GIGYF1: variants seen among roughly 807,000 people sequenced by gnomAD.
GIGYF1 encodes the protein GRB10 interacting GYF protein 1.
Under a neutral mutation model 147.1 loss-of-function variants are expected in GIGYF1, and 84 were observed. The observed-to-expected ratio is 0.57, with a 90% CI of 0.48 to 0.68. The LOEUF (loss-of-function observed/expected upper bound fraction) is 0.68, where lower values mean the gene tolerates loss of function less well. Ranked by LOEUF, GIGYF1 falls within the 30% of genes least tolerant of loss-of-function variation. The pLI, the probability that GIGYF1 is intolerant of heterozygous loss-of-function variation, is 0.00. For synonymous variants in GIGYF1, 752 were observed against 589.5 expected, an observed-to-expected ratio of 1.28 and a Z score of -3.99; for missense variants, 1,485 against 1,393.7, an observed-to-expected ratio of 1.07 and a Z score of -1.04.
At position 100,680,639 on chromosome 7, in the gene GIGYF1, CG is replaced by C. The variant is rs1804655039; in HGVS notation, c.*1079del. On this transcript the variant is annotated 3_prime_UTR_variant, in exon 27 of 27. Coordinates refer to ENST00000678049, the MANE Select transcript of GIGYF1 (RefSeq NM_001375765.1). ...ACGAGCTGGCTACAGGTTGGGGCCC[CG>C]GGCGGCAGCCCCTCTACTGCAACCC... is the stretch of plus-strand genomic sequence containing the variant. 6.6e-6 allele frequency: 1 copy of C among 152,542 alleles called. No homozygotes were observed. Among genetic ancestry groups the C allele is most frequent in the Non-Finnish European group, 1.5e-5 (1 of 68,108 alleles). 9.4% of individuals were successfully genotyped at this position (152,542 alleles called of 1,614,324 possible).
intron 16 of GIGYF1, 26 bp from the exon 17 acceptor site, chr7:100,684,363 G>A: frequency 6.3e-7 from 1 of 1,594,798 alleles, no homozygotes; most frequent in Non-Finnish European, 8.5e-7. Context: ...CTCGGCCAGT[G>A]CCCCCAGCAG....
chr7:100,690,001 G>A (rs1007351310), intron 1 of GIGYF1, among the ~76,000 whole-genome samples: 100 of 152,294 alleles, frequency 6.6e-4, no homozygotes, highest in African/African-American at 2.1e-3. Context: ...TTGCTGAAGG[G>A]TCCAGAGCCT....
intron 12 of GIGYF1, 113 bp from the exon 13 acceptor site, chr7:100,685,594 C>A (rs866849613): frequency 1.7e-6 from 2 of 1,194,106 alleles, no homozygotes; most frequent in African/African-American, 1.5e-5. Context: ...TAGGCCGAGT[C>A]CACCACTTCA....
Position 100,688,728 on chromosome 7 carries a change from A to G in GIGYF1, c.-271T>C. On this transcript the variant is annotated 5_prime_UTR_variant, in exon 2 of 27. Transcript: ENST00000678049. Reference sequence around the variant, plus strand: ...ACATCTGGGAAAGACCCTTAAGGAGAGCAGGGGGGAGGAGGGAGGGTTCAG... The same window carrying G: ...ACATCTGGGAAAGACCCTTAAGGAGGGCAGGGGGGAGGAGGGAGGGTTCAG... 3.2e-6 allele frequency: 1 copy of G among 315,568 alleles called. No individual in the cohort carries two copies. The highest frequency in any genetic ancestry group is 8.4e-5 in the East Asian group (1 of 11,922). 19.5% of individuals were successfully genotyped at this position (315,568 alleles called of 1,614,324 possible). A position where few individuals can be genotyped will look rare whatever the true frequency, so the allele number is the denominator to read the frequency against.
In GIGYF1 at chr7:100,683,195, C is replaced by T. The variant is rs967726034; in HGVS notation, c.2229G>A (p.Gln743=). ...RQQELLLKLL[Q]QQQAVPVPPA... is the part of the protein sequence containing the mutation. ...GGGGCACAGGGACCGCCTGCTGCTG[C>T]TGTAGCAACTTCAGCAATAGCTCCT... The change falls in exon 22 of 27, where the codon CAG becomes CAA. Residue 743 remains glutamine, a synonymous_variant. Transcript: ENST00000678049. 5 of 1,608,778 alleles carry T rather than the reference C, an allele frequency of 3.1e-6. No individual in the cohort carries two copies. Among genetic ancestry groups the T allele is most frequent in the South Asian group, 1.1e-5 (1 of 91,074 alleles).
Position 100,686,828 on chromosome 7 carries a change from CG to C in GIGYF1, c.524-10del. 1 of 1,613,256 alleles carries C rather than the reference CG, an allele frequency of 6.2e-7. No individual in the cohort carries two copies. Among genetic ancestry groups the C allele is most frequent in the South Asian group, 1.1e-5 (1 of 91,040 alleles). On this transcript the variant is annotated splice_polypyrimidine_tract_variant and intron_variant, in intron 9 of 26. Coordinates refer to ENST00000678049, the MANE Select transcript of GIGYF1 (RefSeq NM_001375765.1). The stretch of plus-strand genomic sequence containing the variant: ...CTCAAAGCCACATCGTGCTGGGAGA[CG>C]GGAAGACAGGGGCAGTTATTAGAAA...
chr7:100,690,601 G>A (rs1562887529), intron 1 of GIGYF1, among the ~76,000 whole-genome samples: 1 of 152,100 alleles, frequency 6.6e-6, no homozygotes. Flanking sequence ...GGCCAACGTG[G>A]CAAAACCCTG....
Position 100,688,211 on chromosome 7 carries a change from G to A in GIGYF1, c.28C>T (p.Pro10Ser). ...GAGGCACAAGTGACTCACCACTCAG[G>A]CCCAAAGTTGAGTGTCTCTGCTGCC... MAAETLNFG[P>S]EWLRALSGGG... is the part of the protein sequence containing the mutation. Residue 10 changes from proline (P) to serine (S), a missense_variant, in exon 4 of 27, where the codon CCT becomes TCT. Coordinates refer to ENST00000678049, the MANE Select transcript of GIGYF1 (RefSeq NM_001375765.1). 1 of 1,526,340 alleles carries A rather than the reference G, an allele frequency of 6.6e-7. No homozygotes were observed. The highest frequency in any genetic ancestry group is 8.9e-7 in the Non-Finnish European group (1 of 1,128,540). 94.5% of individuals were successfully genotyped at this position (1,526,340 alleles called of 1,614,324 possible). A position where few individuals can be genotyped will look rare whatever the true frequency, so the allele number is the denominator to read the frequency against.
At chr7:100,693,776 G>T (rs1432747514) in intron 1 of GIGYF1, among the ~76,000 whole-genome samples, 3 of 151,784 alleles carry the variant, frequency 2.0e-5, no homozygotes, top group African/African-American at 7.3e-5. Flanking sequence ...CCGGGAGGAC[G>T]GCGTGCCCTT....
chr7:100,686,033 TG>T lies in GIGYF1; in HGVS notation c.994del (p.Gln332LysfsTer13). ...AGGTTCCTCCTCCTCCTCCAACCCT[TG>T]GAAGTCCAGCTCCTGCTCCTCAGGA... ...PIPEEQELDF[Q>X]GLEEEEEPSE... On this transcript the variant is annotated frameshift_variant, in exon 12 of 27. Coordinates refer to ENST00000678049, the MANE Select transcript of GIGYF1 (RefSeq NM_001375765.1). LOFTEE classifies it high-confidence loss of function. 1 of 1,611,136 alleles carries T rather than the reference TG, an allele frequency of 6.2e-7. No homozygotes were observed. The highest frequency in any genetic ancestry group is 8.5e-7 in the Non-Finnish European group (1 of 1,179,370).
At position 100,688,438 on chromosome 7, in the gene GIGYF1, T is replaced by A; in HGVS notation, c.-70+13A>T. On this transcript the variant is annotated intron_variant, in intron 3 of 26. Transcript: ENST00000678049. ...ACTAGCTGGTGGGTCACCTGGGGTC[T>A]AAAAGGACTCACCTGAGCCAGCCAC... The A allele has an allele frequency of 2.9e-6, 2 of 698,906 alleles. No individual in the cohort carries two copies. Among genetic ancestry groups the A allele is most frequent in the Admixed American group, 4.0e-5 (2 of 49,564 alleles). 43.3% of individuals were successfully genotyped at this position (698,906 alleles called of 1,614,324 possible). A position where few individuals can be genotyped will look rare whatever the true frequency, so the allele number is the denominator to read the frequency against.
chr7:100,686,865 T>C (rs1805399929), intron 9 of GIGYF1, 46 bp from the exon 10 acceptor site: 16 of 1,588,570 alleles, frequency 1.0e-5, no homozygotes, highest in African/African-American at 1.5e-5. Context: ...GGCAGCGTGG[T>C]GCCTGGACCC....
chr7:100,683,737 C>A (rs112778871), intron 19 of GIGYF1, 81 bp downstream of exon 19: 1 of 1,543,534 alleles, frequency 6.5e-7, no homozygotes, highest in South Asian at 1.1e-5. Flanking sequence ...CAGCTAGGGG[C>A]GTGTGGGGGT....
At chr7:100,692,615 A>G (rs1805911245) in intron 1 of GIGYF1, among the ~76,000 whole-genome samples, 2 of 152,246 alleles carry the variant, frequency 1.3e-5, no homozygotes, top group Admixed American at 6.5e-5. Context: ...TAGCAGATGT[A>G]AAAGTTAGGG....
chr7:100,683,593 G>A lies in GIGYF1; in HGVS notation c.2009C>T (p.Ser670Leu). 2.5e-6 allele frequency: 4 copies of A among 1,614,202 alleles called. No individual in the cohort carries two copies. Among genetic ancestry groups the A allele is most frequent in the Non-Finnish European group, 3.4e-6 (4 of 1,180,002 alleles). Reference sequence around the variant, plus strand: ...TTGTTCTAGAATTGGACCCTGAGTCGAAGAGTTAATTGGTATGTCCCAAAG... The same window carrying A: ...TTGTTCTAGAATTGGACCCTGAGTCAAAGAGTTAATTGGTATGTCCCAAAG... ...ASLWDIPINS[S>L]TQGPILEQLQ... is the part of the protein sequence containing the mutation. The change falls in exon 20 of 27, where the codon TCG becomes TTG. Residue 670 changes from serine (S) to leucine (L), a missense_variant. By Grantham distance (145) the Ser-to-Leu change is moderately radical. Transcript: ENST00000678049.
chr7:100,686,220 A>G lies in GIGYF1; in HGVS notation c.908T>C (p.Met303Thr). The change falls in exon 11 of 27, where the codon ATG (methionine) becomes ACG (threonine). Residue 303 changes from methionine (M) to threonine (T), a missense_variant. Transcript: ENST00000678049. The part of the protein sequence containing the change: ...EWCLDDEDEE[M>T]GTFDASGAFL... ...GGCCCCAGAGGCATCAAAGGTGCCC[A>G]TTTCTTCATCCTCATCGTCCAGGCA... The G allele has an allele frequency of 6.2e-7, 1 of 1,613,722 alleles. No homozygotes were observed. The highest frequency in any genetic ancestry group is 8.5e-7 in the Non-Finnish European group (1 of 1,179,856).
rs766488709 is a variant in GIGYF1, at chr7:100,685,966, C to A, written c.1054+8G>T. On this transcript the variant is annotated splice_region_variant and intron_variant, in intron 12 of 26. Transcript: ENST00000678049. ...AGCCCCAGGCCCGCTGGGCACCCCGCGGCTCACCTGCCTCAGGCCCTTCCT... is the reference window on the plus strand; with the variant it reads ...AGCCCCAGGCCCGCTGGGCACCCCGAGGCTCACCTGCCTCAGGCCCTTCCT... 12 of 1,610,298 alleles carry A rather than the reference C, an allele frequency of 7.5e-6. No individual in the cohort carries two copies. The highest frequency in any genetic ancestry group is 6.7e-5 in the African/African-American group (5 of 74,852).
intron 4 of GIGYF1, 36 bp from the exon 5 acceptor site, chr7:100,688,146 G>A: frequency 1.2e-6 from 2 of 1,607,828 alleles, no homozygotes; most frequent in Non-Finnish European, 1.7e-6. Flanking sequence ...ACAGAGGTCA[G>A]GGCAGCCTGA....
chr7:100,684,375 G>T, intron 16 of GIGYF1, 38 bp from the exon 17 acceptor site: 1 of 1,598,298 alleles, frequency 6.3e-7, no homozygotes, highest in Non-Finnish European at 8.5e-7. Flanking sequence ...CCCCAGCAGG[G>T]AGGAGGGGAC....
Sources: gnomAD v4.1 joint callset for allele counts (sites outside exome capture counted in the v4.1 genomes callset) on GRCh38, gnomAD v4.1.1 for gene constraint, MANE v1.5 for transcripts, NCBI Gene and HGNC (gene_info 2026-07-23, HGNC 2026-07-21) for gene names.